The following NRG1 variants were observed in gnomAD, a reference collection of about 807,000 sequenced individuals.
NRG1 encodes the protein neuregulin 1.
In NRG1, 18 loss-of-function variants were observed where a neutral mutation model predicts 63.8. The ratio of observed to expected loss-of-function variants is 0.28; its 90% CI spans 0.19 to 0.42. NRG1 has a LOEUF of 0.42. Among genes scored for constraint, NRG1 ranks in the 10% least tolerant of loss-of-function variants. NRG1 has a pLI of 1.00. For synonymous variants in NRG1, 302 were observed against 301.3 expected, an observed-to-expected ratio of 1.00 and a Z score of -0.02; for missense variants, 762 against 814.7, an observed-to-expected ratio of 0.94 and a Z score of 0.79.
intron 1 of NRG1, among the ~76,000 whole-genome samples, chr8:32,322,815 T>C (rs1385842947): frequency 6.6e-6 from 1 of 151,898 alleles, no homozygotes; most frequent in Non-Finnish European, 1.5e-5. Flanking sequence ...AGAGTGAATT[T>C]CTCTTACCTG....
chr8:32,344,407 A>G (rs1380354131), intron 1 of NRG1, among the ~76,000 whole-genome samples: 4 of 21,362 alleles, frequency 1.9e-4, no homozygotes, highest in African/African-American at 4.9e-4. Flanking sequence ...TTGTGCATGC[A>G]TGCGTGCATG....
chr8:32,556,876 T>G (rs1835274773), intron 1 of NRG1, among the ~76,000 whole-genome samples: 1 of 152,222 alleles, frequency 6.6e-6, no homozygotes, highest in Admixed American at 6.5e-5. Context: ...AAAACCAGCC[T>G]TTACAAGGAG....
intron 1 of NRG1, among the ~76,000 whole-genome samples, chr8:31,767,209 G>A (rs191845185): frequency 6.6e-6 from 1 of 152,214 alleles, no homozygotes; most frequent in East Asian, 1.9e-4. Context: ...TGCCTTGGCT[G>A]ATTTTATAGA....
chr8:32,280,680 GTTTTTTTTTTGTTTTTTTT>G (rs1852621778), intron 1 of NRG1, among the ~76,000 whole-genome samples: 1 of 53,722 alleles, frequency 1.9e-5, no homozygotes, highest in Non-Finnish European at 3.5e-5. Flanking sequence ...ACTGAATTAG[GTTTTTTTTTTGTTTTTTTT>G]TTTTTTTTTT....
chr8:32,684,727 T>A (rs1188715538), intron 5 of NRG1, among the ~76,000 whole-genome samples: 1 of 152,106 alleles, frequency 6.6e-6, no homozygotes, highest in East Asian at 1.9e-4. Flanking sequence ...TAGCATTGAT[T>A]TTTTGACAAC....
At chr8:31,834,597 G>A (rs1278233852) in intron 1 of NRG1, among the ~76,000 whole-genome samples, 2 of 152,142 alleles carry the variant, frequency 1.3e-5, no homozygotes, top group East Asian at 1.9e-4. Flanking sequence ...TGCAGTCCCT[G>A]CTGCTCTGGA....
intron 1 of NRG1, among the ~76,000 whole-genome samples, chr8:32,574,429 T>G (rs1360170164): frequency 1.3e-5 from 2 of 152,168 alleles, no homozygotes; most frequent in Non-Finnish European, 2.9e-5. Context: ...TTGTATATTT[T>G]TCCCCACCCA....
At chr8:31,901,635 C>A (rs1488058825) in intron 1 of NRG1, among the ~76,000 whole-genome samples, 1 of 152,140 alleles carries the variant, frequency 6.6e-6, no homozygotes, top group Non-Finnish European at 1.5e-5. Flanking sequence ...GAATTGTCTA[C>A]ATAACTGCAC....
intron 1 of NRG1, among the ~76,000 whole-genome samples, chr8:32,478,262 T>C (rs901810864): frequency 1.1e-5 from 1 of 91,710 alleles, no homozygotes; most frequent in African/African-American, 4.1e-5. Flanking sequence ...GCTTCTTCCA[T>C]GTGGGGGGGC....
At chr8:31,881,827 G>T (rs150082664) in intron 1 of NRG1, among the ~76,000 whole-genome samples, 3 of 152,282 alleles carry the variant, frequency 2.0e-5, no homozygotes, top group African/African-American at 2.4e-5. Flanking sequence ...TGAAAGCTTA[G>T]AGGTGAGGAA....
chr8:31,785,888 C>T (rs1820123786), intron 1 of NRG1, among the ~76,000 whole-genome samples: 1 of 152,100 alleles, frequency 6.6e-6, no homozygotes, highest in Non-Finnish European at 1.5e-5. Context: ...TAGCTGGGAC[C>T]TGGTCAGGCC....
chr8:32,587,910 T>TTTTTA (rs560752469), intron 1 of NRG1, among the ~76,000 whole-genome samples: 1 of 135,614 alleles, frequency 7.4e-6, no homozygotes, highest in Admixed American at 7.2e-5. Context: ...CATGTGGGTT[T>TTTTTA]TTTTGTTTTG....
At chr8:31,934,598 A>T (rs1415494021) in intron 1 of NRG1, among the ~76,000 whole-genome samples, 5 of 151,762 alleles carry the variant, frequency 3.3e-5, no homozygotes, top group Non-Finnish European at 7.4e-5. Flanking sequence ...TGTCATAGAC[A>T]TTGGCTTTTG....
At chr8:31,831,030 A>C (rs1203863469) in intron 1 of NRG1, among the ~76,000 whole-genome samples, 1 of 152,148 alleles carries the variant, frequency 6.6e-6, no homozygotes, top group Non-Finnish European at 1.5e-5. Context: ...CAAGACAGTC[A>C]AAAACTAATT....
chr8:32,064,071 C>A (rs1824336074), intron 1 of NRG1, among the ~76,000 whole-genome samples: 1 of 151,998 alleles, frequency 6.6e-6, no homozygotes, highest in South Asian at 2.1e-4. Context: ...CACAAAATTT[C>A]AAACAACCCA....
chr8:31,639,527 GCT>G, intron 1 of NRG1: 1 of 1,494,346 alleles, frequency 6.7e-7, no homozygotes, highest in Non-Finnish European at 8.9e-7. Flanking sequence ...TCTCCCTCGC[GCT>G]CTCTCCCAGC....
chr8:32,250,023 G>C (rs1848940204), intron 1 of NRG1, among the ~76,000 whole-genome samples: 1 of 152,030 alleles, frequency 6.6e-6, no homozygotes, highest in African/African-American at 2.4e-5. Context: ...TTGGGCCTTT[G>C]CATTAGTTGT....
intron 1 of NRG1, among the ~76,000 whole-genome samples, chr8:32,168,844 T>G (rs2131984708): frequency 6.6e-6 from 1 of 152,280 alleles, no homozygotes; most frequent in East Asian, 1.9e-4. Context: ...TCTGACACAT[T>G]GTAAATGTCC....
intron 1 of NRG1, among the ~76,000 whole-genome samples, chr8:32,007,332 C>T (rs547212219): frequency 9.9e-4 from 150 of 152,088 alleles, no homozygotes; most frequent in Admixed American, 1.3e-3. Flanking sequence ...ATTGATCAGG[C>T]AAATAATCTC....
Sources: allele counts gnomAD v4.1 joint callset (sites outside exome capture counted in the v4.1 genomes callset), GRCh38; gene constraint gnomAD v4.1.1; transcripts MANE v1.5; gene names NCBI Gene and HGNC (gene_info 2026-07-23, HGNC 2026-07-21).